KIAA0319: variants seen among roughly 807,000 people sequenced by gnomAD.
The protein encoded by KIAA0319 is KIAA0319.
KIAA0319 carries 83 observed loss-of-function variants against 108.4 expected under a neutral mutation model. The ratio of observed to expected loss-of-function variants is 0.77; its 90% confidence interval spans 0.64 to 0.92. KIAA0319 has a LOEUF of 0.92. KIAA0319 is among the 40% of genes least tolerant of loss of function. KIAA0319 has a pLI of 0.00. For synonymous variants in KIAA0319, 484 were observed against 510.4 expected (o/e 0.95, Z 0.70); for missense variants, 1,195 against 1,322.4 (o/e 0.90, Z 1.49).
rs868347339 is a variant in KIAA0319 at position 24,588,805 on chromosome 6, G to C, written c.802-20C>G. 2.5e-6 allele frequency: 4 copies of C among 1,578,396 alleles called. No individual in the cohort carries two copies. The highest frequency in any genetic ancestry group is 3.5e-6 in the Non-Finnish European group (4 of 1,157,678). On this transcript the variant is annotated intron_variant, in intron 3 of 20. Transcript: ENST00000378214. ...TAGAACCTACGAGATCAATTACAAG[G>C]ATAAATTGTTATTAAAAAAAAAACA...
chr6:24,602,020 CTT>C (rs1216820751), intron 1 of KIAA0319, among the ~76,000 whole-genome samples: 19 of 142,154 alleles, frequency 1.3e-4, no homozygotes, highest in Admixed American at 2.1e-4. Flanking sequence ...TACTGTATTT[CTT>C]TTTTTTTTTT....
At chr6:24,561,709 A>G (rs1398650238) in intron 16 of KIAA0319, among the ~76,000 whole-genome samples, 1 of 144,458 alleles carries the variant, frequency 6.9e-6, no homozygotes, top group Non-Finnish European at 1.5e-5. Flanking sequence ...TGCCTGGCTA[A>G]TTTTTTTTTT....
chr6:24,547,966 G>A (rs951309226), intron 20 of KIAA0319, among the ~76,000 whole-genome samples: 13 of 152,128 alleles, frequency 8.5e-5, no homozygotes, highest in African/African-American at 3.1e-4. Context: ...CCAGGAGTTC[G>A]AGGGTACAGT....
chr6:24,640,688 T>C lies in KIAA0319; in HGVS notation c.-106+5048A>G, dbSNP rs181935590. On this transcript the variant is annotated intron_variant, in intron 1 of 20. Transcript: ENST00000378214. Reference sequence around the variant, plus strand: ...TATTTTTTGAGACAGGGTCTTGTTCTGTTGCCCAGGCTGGAATGCAGTGGT... The same window carrying C: ...TATTTTTTGAGACAGGGTCTTGTTCCGTTGCCCAGGCTGGAATGCAGTGGT... Among the ~76,000 whole-genome samples, 179 of 152,340 alleles carry C rather than the reference T, an allele frequency of 1.2e-3. 1 individual carries two copies. The highest frequency in any genetic ancestry group is 0.011 in the Admixed American group (163 of 15,308).
At chr6:24,616,139 C>T (rs1443814787) in intron 1 of KIAA0319, among the ~76,000 whole-genome samples, 1 of 152,100 alleles carries the variant, frequency 6.6e-6, no homozygotes, top group African/African-American at 2.4e-5. Context: ...TTTAATACTC[C>T]TTGGAAATAT....
rs532730572 is a variant in KIAA0319, at chr6:24,553,359, C to A, written c.2948+1182G>T. On this transcript the variant is annotated intron_variant, in intron 19 of 20. Transcript: ENST00000378214. ...CACGCACATATATATATATATATAT[C>A]TGTATGTATGTTTTCATCACAGTTC... is the stretch of plus-strand genomic sequence containing the variant. Among the ~76,000 whole-genome samples the A allele has an allele frequency of 2.3e-3, 265 of 114,350 alleles. 6 individuals are homozygous for A. In the South Asian group the frequency reaches 0.034, roughly 15 times the overall value. 75.0% of individuals were successfully genotyped at this position (114,350 alleles called of 152,430 possible).
At chr6:24,559,195 G>A in intron 16 of KIAA0319, 40 bp from the exon 17 acceptor site, 2 of 1,602,716 alleles carry the variant, frequency 1.2e-6, no homozygotes, top group Non-Finnish European at 1.7e-6. Flanking sequence ...CACATGGTCA[G>A]ATGGTGACTA....
chr6:24,558,091 T>C (rs1361288560), intron 17 of KIAA0319, among the ~76,000 whole-genome samples: 1 of 150,450 alleles, frequency 6.6e-6, no homozygotes, highest in African/African-American at 2.5e-5. Context: ...TTTTGTACAA[T>C]AAATAAATAT....
chr6:24,630,700 TATAC>T (rs1254211371), intron 1 of KIAA0319, among the ~76,000 whole-genome samples: 11 of 70,038 alleles, frequency 1.6e-4, no homozygotes, highest in African/African-American at 5.8e-4. Context: ...TATATATATA[TATAC>T]ACATATACAC....
At chr6:24,573,804 G>A (rs1386677325) in intron 10 of KIAA0319, among the ~76,000 whole-genome samples, 1 of 152,118 alleles carries the variant, frequency 6.6e-6, no homozygotes, top group Admixed American at 6.5e-5. Context: ...GGCAATTCAT[G>A]TATTAGTTTT....
At chr6:24,575,035 C>T (rs919779399) in intron 10 of KIAA0319, among the ~76,000 whole-genome samples, 10 of 152,224 alleles carry the variant, frequency 6.6e-5, no homozygotes, top group Admixed American at 6.5e-4. Flanking sequence ...GGTTTCACTT[C>T]CTTCCCAGTA....
At chr6:24,584,876 G>A (rs1387939170) in intron 4 of KIAA0319, among the ~76,000 whole-genome samples, 1 of 152,170 alleles carries the variant, frequency 6.6e-6, no homozygotes, top group Non-Finnish European at 1.5e-5. Context: ...GTATGCAGTA[G>A]GTTCTATTAA....
rs998084999 is a variant in KIAA0319 at position 24,546,614 on chromosome 6, C to G, written c.*551G>C. 6.6e-6 allele frequency: 1 copy of G among 152,626 alleles called. No homozygotes were observed. Among genetic ancestry groups the G allele is most frequent in the Non-Finnish European group, 1.5e-5 (1 of 68,386 alleles). The allele number at this position is 152,626 out of a possible 1,614,324, so 9.5% of individuals were successfully genotyped here. A position where few individuals can be genotyped will look rare whatever the true frequency, so the allele number is the denominator to read the frequency against. On this transcript the variant is annotated 3_prime_UTR_variant, in exon 21 of 21. Transcript: ENST00000378214. ...ATTGACATAGCACAGAATTAAAAAC[C>G]AGGAGGGCTTGGCACTGTGCGAGTG...
chr6:24,588,555 T>C, intron 4 of KIAA0319, 38 bp downstream of exon 4: 1 of 1,554,470 alleles, frequency 6.4e-7, no homozygotes, highest in Non-Finnish European at 8.9e-7. Flanking sequence ...CAGCCTGTCT[T>C]CAGTACATTT....
intron 1 of KIAA0319, among the ~76,000 whole-genome samples, chr6:24,643,401 C>T (rs897511350): frequency 2.6e-5 from 4 of 152,158 alleles, no homozygotes; most frequent in Non-Finnish European, 5.9e-5. Context: ...CATAACAAAA[C>T]TGCACTTGTA....
At chr6:24,621,129 T>A (rs1773866719) in intron 1 of KIAA0319, among the ~76,000 whole-genome samples, 1 of 152,246 alleles carries the variant, frequency 6.6e-6, no homozygotes, top group Non-Finnish European at 1.5e-5. Flanking sequence ...AATGAAGGTG[T>A]TGGCTGATAT....
chr6:24,605,666 ACT>A (rs2127542423), intron 1 of KIAA0319, among the ~76,000 whole-genome samples: 1 of 152,254 alleles, frequency 6.6e-6, no homozygotes, highest in East Asian at 1.9e-4. Flanking sequence ...CCTTCCATAA[ACT>A]CTGCATGGAT....
intron 10 of KIAA0319, among the ~76,000 whole-genome samples, chr6:24,574,955 T>A (rs1484894844): frequency 6.6e-6 from 1 of 152,184 alleles, no homozygotes; most frequent in Non-Finnish European, 1.5e-5. Flanking sequence ...TTGTGGCAAA[T>A]GGGAACTGAG....
chr6:24,599,088 C>A lies in KIAA0319; in HGVS notation c.55+1961G>T. On this transcript the variant is annotated intron_variant, in intron 2 of 20. Transcript: ENST00000378214. The surrounding 1 kb of genome is among the most constrained non-coding windows in gnomAD (Gnocchi z 4.1). ...CCAGATCTGGGACACATCTGTGGTG[C>A]TGTCCATGGACAACAGCTGGTCCCT... 1.4e-6 allele frequency: 1 copy of A among 717,826 alleles called. No homozygotes were observed. The allele number at this position is 717,826 out of a possible 1,614,324, so 44.5% of individuals were successfully genotyped here.
Sources: gnomAD v4.1 joint callset for allele counts (sites outside exome capture counted in the v4.1 genomes callset) on GRCh38, gnomAD v4.1.1 for gene constraint, Gnocchi (gnomAD v3.1) non-coding constraint, MANE v1.5 for transcripts, NCBI Gene and HGNC (gene_info 2026-07-23, HGNC 2026-07-21) for gene names.